ARID5B: variants seen among roughly 807,000 people sequenced by gnomAD.
ARID5B encodes the protein AT-rich interaction domain 5B, also known as AT-rich interactive domain-containing protein 5B.
ARID5B carries 13 observed loss-of-function variants against 97.2 expected under a neutral mutation model. The ratio of observed to expected loss-of-function variants is 0.13; its 90% CI spans 0.09 to 0.21. ARID5B has a LOEUF of 0.21. ARID5B is among the 10% of genes least tolerant of loss of function. The pLI is 1.00. For synonymous variants in ARID5B, 556 were observed against 570.3 expected (o/e 0.97, Z 0.36); for missense variants, 1,210 against 1,465.3 (o/e 0.83, Z 2.84).
At chr10:61,994,295 A>T (rs1176149711) in intron 3 of ARID5B, among the ~76,000 whole-genome samples, 1 of 152,104 alleles carries the variant, frequency 6.6e-6, no homozygotes, top group African/African-American at 2.4e-5. Flanking sequence ...GAAGTAGATT[A>T]TAGTGGTTTT....
At chr10:62,020,251 A>C (rs747313036) in intron 4 of ARID5B, among the ~76,000 whole-genome samples, 10 of 152,236 alleles carry the variant, frequency 6.6e-5, no homozygotes, top group Non-Finnish European at 1.3e-4. Context: ...AGAAAGTTTT[A>C]CAAAGAATGA....
intron 5 of ARID5B, among the ~76,000 whole-genome samples, chr10:62,056,657 A>G (rs938068110): frequency 2.0e-5 from 3 of 152,332 alleles, no homozygotes; most frequent in Admixed American, 1.3e-4. Flanking sequence ...GTATTGATAT[A>G]GAGAGACAAA....
chr10:61,934,873 C>A (rs906652881), intron 2 of ARID5B, among the ~76,000 whole-genome samples: 14 of 151,874 alleles, frequency 9.2e-5, no homozygotes, highest in African/African-American at 3.1e-4. Context: ...ATTAGCTGGG[C>A]ATGGTGGCAC....
chr10:61,925,698 G>A (rs1451256353), intron 2 of ARID5B, among the ~76,000 whole-genome samples: 1 of 152,210 alleles, frequency 6.6e-6, no homozygotes, highest in East Asian at 1.9e-4. Context: ...GGAATTATGA[G>A]AGGGTGTTTC....
chr10:61,916,634 A>G (rs1015625149), intron 2 of ARID5B, among the ~76,000 whole-genome samples: 3 of 152,176 alleles, frequency 2.0e-5, no homozygotes, highest in African/African-American at 7.2e-5. Context: ...CACCTGGTGA[A>G]TGACAGAGAC....
At chr10:62,083,048 T>TACAC (rs367825532) in intron 8 of ARID5B, among the ~76,000 whole-genome samples, 5 of 151,176 alleles carry the variant, frequency 3.3e-5, no homozygotes, top group Admixed American at 1.3e-4. Context: ...GGTTGACCTT[T>TACAC]ACACACACAC....
chr10:62,088,052 A>G (rs1488225504), intron 9 of ARID5B, among the ~76,000 whole-genome samples: 1 of 152,070 alleles, frequency 6.6e-6, no homozygotes, highest in Admixed American at 6.6e-5. Context: ...TCTTTAGTAG[A>G]GACAGGGTTT....
In ARID5B at chr10:61,983,867, C is replaced by CTT. The variant is rs1164342402; in HGVS notation, c.503-16194_503-16193dup. ...TATATTTTTTAAACCCCCTTTTGTT[C>CTT]TTTTTTTTTTTTTTTTTTTTTTTTT... On this transcript the variant is annotated intron_variant, in intron 3 of 9. Transcript: ENST00000279873. 6.3e-3 allele frequency among the ~76,000 whole-genome samples: 175 copies of CTT among 27,580 alleles called. 54 individuals carry two copies. The highest frequency in any genetic ancestry group is 0.025 in the African/African-American group (159 of 6,312). 18.1% of individuals were successfully genotyped at this position (27,580 alleles called of 152,430 possible).
intron 4 of ARID5B, among the ~76,000 whole-genome samples, chr10:62,033,633 G>T (rs1342430392): frequency 2.0e-5 from 3 of 152,168 alleles, no homozygotes; most frequent in African/African-American, 7.2e-5. Flanking sequence ...GCAAACTGCT[G>T]GTCTCTTGAA....
chr10:61,928,980 C>T (rs1468191542), intron 2 of ARID5B, among the ~76,000 whole-genome samples: 4 of 152,092 alleles, frequency 2.6e-5, no homozygotes, highest in Non-Finnish European at 4.4e-5. Flanking sequence ...ACCCAGGCTT[C>T]GAGGTGGTAC....
chr10:61,992,373 G>A (rs544926327), intron 3 of ARID5B, among the ~76,000 whole-genome samples: 3 of 152,312 alleles, frequency 2.0e-5, no homozygotes, highest in African/African-American at 7.2e-5. Flanking sequence ...ACTCAGAGTG[G>A]TAGCAGTGTT....
chr10:62,034,776 A>G (rs1471458803), intron 4 of ARID5B, among the ~76,000 whole-genome samples: 1 of 152,224 alleles, frequency 6.6e-6, no homozygotes, highest in East Asian at 1.9e-4. Context: ...AAAAATCTTT[A>G]TTGGAATTTA....
chr10:61,920,329 G>GTT (rs11302478), intron 2 of ARID5B, among the ~76,000 whole-genome samples: 13 of 134,792 alleles, frequency 9.6e-5, no homozygotes, highest in South Asian at 9.6e-4. Flanking sequence ...ATGAATCTTT[G>GTT]TTTTTTTTTT....
At chr10:61,961,222 T>G (rs1003896188) in intron 3 of ARID5B, among the ~76,000 whole-genome samples, 7 of 152,248 alleles carry the variant, frequency 4.6e-5, no homozygotes, top group African/African-American at 1.7e-4. Context: ...GTAGGAAATT[T>G]TATATCATCA....
chr10:61,944,136 C>T (rs577256540), intron 3 of ARID5B, among the ~76,000 whole-genome samples: 99 of 151,858 alleles, frequency 6.5e-4, no homozygotes, highest in Admixed American at 1.4e-3. Flanking sequence ...TGACTTTACT[C>T]AGTGAGATAT....
intron 3 of ARID5B, among the ~76,000 whole-genome samples, chr10:61,969,342 G>T (rs1277833778): frequency 2.6e-5 from 4 of 152,068 alleles, no homozygotes; most frequent in Non-Finnish European, 5.9e-5. Context: ...GTTTTGTGAG[G>T]TGGTCAAACA....
rs773233273 is a variant in ARID5B at position 62,092,687 on chromosome 10, C to G, written c.3224C>G (p.Ser1075Cys). 6.2e-7 allele frequency: 1 copy of G among 1,614,064 alleles called. No individual in the cohort carries two copies. Among genetic ancestry groups the G allele is most frequent in the Non-Finnish European group, 8.5e-7 (1 of 1,179,996 alleles). Residue 1075 changes from serine (S) to cysteine (C), a missense_variant, in exon 10 of 10, where the codon TCC becomes TGC. By Grantham distance (112) the Ser-to-Cys change is moderately radical (BLOSUM62 -1). This residue lies in a region of ARID5B where 800 missense variants were observed against 839.1 expected (regional missense o/e 0.95). Coordinates refer to ENST00000279873, the MANE Select transcript of ARID5B (RefSeq NM_032199.3). ...GAAGGCCACAAGCTTCCCCTCTCCT[C>G]CCCTATCTTCCCAGGTCTGTATTCC... ...GSEGHKLPLS[S>C]PIFPGLYSGS...
At chr10:61,923,656 A>G (rs952182567) in intron 2 of ARID5B, among the ~76,000 whole-genome samples, 2 of 152,202 alleles carry the variant, frequency 1.3e-5, no homozygotes, top group Non-Finnish European at 2.9e-5. Flanking sequence ...AGCTGTTCCT[A>G]GTGCCTAGCA....
chr10:61,978,008 C>A (rs1342751083), intron 3 of ARID5B, among the ~76,000 whole-genome samples: 3 of 152,170 alleles, frequency 2.0e-5, no homozygotes, highest in Non-Finnish European at 4.4e-5. Flanking sequence ...ACATGTAAGT[C>A]TTTAATCCAT....
Sources: gnomAD v4.1 joint callset for allele counts (sites outside exome capture counted in the v4.1 genomes callset) on GRCh38, gnomAD v4.1.1 for gene constraint, gnomAD v4.1.1 regional missense constraint, MANE v1.5 for transcripts, NCBI Gene and HGNC (gene_info 2026-07-23, HGNC 2026-07-21) for gene names.